The following CNTNAP2 variants were observed in gnomAD, a reference collection of about 807,000 sequenced individuals.
CNTNAP2 encodes contactin-associated protein-like 2.
In CNTNAP2, 98 loss-of-function variants were observed where a neutral mutation model predicts 155.2. The observed-to-expected ratio is 0.63, with a 90% confidence interval of 0.54 to 0.75. CNTNAP2 has a LOEUF of 0.75. CNTNAP2 is among the 30% of genes least tolerant of loss of function. The pLI, the probability that CNTNAP2 is intolerant of heterozygous loss-of-function variation, is 0.00. For missense variants in CNTNAP2, 1,727 were observed against 1,688.1 expected, an observed-to-expected ratio of 1.02 and a Z score of -0.40; for synonymous variants, 651 against 631.2, an observed-to-expected ratio of 1.03 and a Z score of -0.47.
chr7:148,065,479 G>A (rs531792395), intron 15 of CNTNAP2, among the ~76,000 whole-genome samples: 2 of 152,252 alleles, frequency 1.3e-5, no homozygotes, highest in African/African-American at 4.8e-5. Flanking sequence ...AGTGTTAGGT[G>A]CATATATATT....
chr7:147,000,347 C>T (rs1798397346), intron 3 of CNTNAP2, among the ~76,000 whole-genome samples: 1 of 151,902 alleles, frequency 6.6e-6, no homozygotes, highest in South Asian at 2.1e-4. Flanking sequence ...TTTACTTTAT[C>T]GTGAGGCATT....
At position 147,733,181 on chromosome 7, in the gene CNTNAP2, C is replaced by A. The variant is rs192603972; in HGVS notation, c.2098+93875C>A. Among the ~76,000 whole-genome samples the A allele has an allele frequency of 3.9e-5, 6 of 152,306 alleles. No homozygotes were observed. In the East Asian group the frequency reaches 1.2e-3, roughly 29 times the overall value. On this transcript the variant is annotated intron_variant, in intron 13 of 23. Coordinates refer to ENST00000361727, the MANE Select transcript of CNTNAP2 (RefSeq NM_014141.6). ...ATGGTTTTAGGTCTAACATTTAAGTCTTTAATCCATCTTGAATTCATTTTT... is the reference window on the plus strand; with the variant it reads ...ATGGTTTTAGGTCTAACATTTAAGTATTTAATCCATCTTGAATTCATTTTT...
intron 15 of CNTNAP2, among the ~76,000 whole-genome samples, chr7:148,049,886 G>C (rs964560483): frequency 6.6e-6 from 1 of 152,132 alleles, no homozygotes; most frequent in African/African-American, 2.4e-5. Context: ...AAACAGGCAG[G>C]GTACAGTGGC....
intron 1 of CNTNAP2, among the ~76,000 whole-genome samples, chr7:146,637,373 TTAACA>T (rs908296982): frequency 1.3e-5 from 2 of 152,222 alleles, no homozygotes; most frequent in Non-Finnish European, 2.9e-5. Context: ...AAGATATCTC[TTAACA>T]TAACATGCAT....
At chr7:147,635,120 A>C (rs1278975846) in intron 12 of CNTNAP2, among the ~76,000 whole-genome samples, 1 of 151,060 alleles carries the variant, frequency 6.6e-6, no homozygotes, top group African/African-American at 2.4e-5. Flanking sequence ...GGCAATCCCC[A>C]TTCACAGGGT....
intron 22 of CNTNAP2, among the ~76,000 whole-genome samples, chr7:148,386,783 TG>T (rs1799219465): frequency 6.6e-6 from 1 of 152,028 alleles, no homozygotes; most frequent in Non-Finnish European, 1.5e-5. Flanking sequence ...GATTAACAGG[TG>T]GGCAGGGGGA....
At chr7:146,163,827 T>G (rs1347962632) in intron 1 of CNTNAP2, among the ~76,000 whole-genome samples, 3 of 152,092 alleles carry the variant, frequency 2.0e-5, no homozygotes, top group African/African-American at 7.2e-5. Context: ...TACACAAGAT[T>G]GTTTTTATTT....
intron 1 of CNTNAP2, among the ~76,000 whole-genome samples, chr7:146,243,988 A>G (rs1314245324): frequency 6.6e-6 from 1 of 152,118 alleles, no homozygotes; most frequent in African/African-American, 2.4e-5. Flanking sequence ...GATTAAGCTG[A>G]AGGAAGATTT....
At position 147,365,592 on chromosome 7, in the gene CNTNAP2, A is replaced by G. The variant is rs1027063184; in HGVS notation, c.1499-30017A>G. On this transcript the variant is annotated intron_variant, in intron 9 of 23. Coordinates refer to ENST00000361727, the MANE Select transcript of CNTNAP2 (RefSeq NM_014141.6). The stretch of plus-strand genomic sequence containing the variant: ...TATTTTAGTGGTTACCCTAAAAATT[A>G]AAACATGGATATTTAATATGTCAAA... Among the ~76,000 whole-genome samples the G allele has an allele frequency of 1.8e-4, 28 of 152,076 alleles. 1 individual carries two copies. Among genetic ancestry groups the G allele is most frequent in the African/African-American group, 6.5e-4 (27 of 41,452 alleles).
chr7:147,857,663 T>C (rs951857083), intron 13 of CNTNAP2, among the ~76,000 whole-genome samples: 3 of 152,232 alleles, frequency 2.0e-5, no homozygotes, highest in South Asian at 4.1e-4. Flanking sequence ...AGAACAGGCC[T>C]CCTAAGCACT....
chr7:148,313,922 G>C (rs967164875), intron 21 of CNTNAP2, among the ~76,000 whole-genome samples: 3 of 152,302 alleles, frequency 2.0e-5, no homozygotes, highest in Admixed American at 6.5e-5. Flanking sequence ...TCTGATTTGG[G>C]ATAAGGAAAA....
chr7:146,487,189 T>C (rs573185143), intron 1 of CNTNAP2, among the ~76,000 whole-genome samples: 1 of 152,294 alleles, frequency 6.6e-6, no homozygotes, highest in East Asian at 1.9e-4. Flanking sequence ...AAACGGATTA[T>C]GATAGACTAG....
chr7:148,189,437 C>T (rs1795168891), intron 18 of CNTNAP2, among the ~76,000 whole-genome samples: 1 of 152,134 alleles, frequency 6.6e-6, no homozygotes, highest in Non-Finnish European at 1.5e-5. Context: ...TATAAAAGGG[C>T]AGTTCCTTTT....
intron 4 of CNTNAP2, among the ~76,000 whole-genome samples, chr7:147,104,873 C>CATATATATATAAAT (rs1800727787): frequency 9.9e-6 from 1 of 101,412 alleles, no homozygotes; most frequent in African/African-American, 3.3e-5. Context: ...CTTCCTCCCT[C>CATATATATATAAAT]ATATATATAT....
chr7:146,652,543 T>C (rs1405504198), intron 1 of CNTNAP2, among the ~76,000 whole-genome samples: 1 of 152,174 alleles, frequency 6.6e-6, no homozygotes, highest in Non-Finnish European at 1.5e-5. Context: ...CATGACCCCT[T>C]TAACAATCTT....
intron 21 of CNTNAP2, among the ~76,000 whole-genome samples, chr7:148,367,022 A>C (rs1176802365): frequency 1.3e-5 from 2 of 152,112 alleles, no homozygotes; most frequent in East Asian, 3.9e-4. Flanking sequence ...CACGAGGTGA[A>C]GAGATTGAGA....
intron 12 of CNTNAP2, among the ~76,000 whole-genome samples, chr7:147,628,253 A>G (rs143487204): frequency 1.8e-4 from 27 of 152,348 alleles, no homozygotes; most frequent in Middle Eastern, 3.4e-3. Context: ...TAACCTATAA[A>G]GGAAAACCTA....
intron 22 of CNTNAP2, among the ~76,000 whole-genome samples, chr7:148,406,487 ACTGT>A (rs1799707109): frequency 6.6e-6 from 1 of 152,198 alleles, no homozygotes; most frequent in South Asian, 2.1e-4. Flanking sequence ...CCCAAGCCAA[ACTGT>A]CTGCAAGCTG....
intron 21 of CNTNAP2, among the ~76,000 whole-genome samples, chr7:148,311,386 G>T (rs1418772284): frequency 6.6e-6 from 1 of 152,170 alleles, no homozygotes; most frequent in Non-Finnish European, 1.5e-5. Flanking sequence ...GGCTAGGAGA[G>T]AATGAGTAAG....
Sources: gnomAD v4.1 joint callset for allele counts (sites outside exome capture counted in the v4.1 genomes callset) on GRCh38, gnomAD v4.1.1 for gene constraint, MANE v1.5 for transcripts, NCBI Gene and HGNC (gene_info 2026-07-23, HGNC 2026-07-21) for gene names.